The following P2RY8 variants were observed in gnomAD, a reference collection of about 807,000 sequenced individuals.
The protein encoded by P2RY8 is S-geranylgeranyl-glutathione receptor P2RY8.
In P2RY8, 6 loss-of-function variants were observed where a neutral mutation model predicts 10.0. That is an observed-to-expected ratio of 0.60 (90% confidence interval 0.33 to 1.19). P2RY8 has a LOEUF of 1.19. Ranked by LOEUF, P2RY8 falls within the 50% of genes most tolerant of loss-of-function variation. The probability of loss-of-function intolerance (pLI) is 0.04; values close to 1 mark genes in which losing one functional copy is unlikely to be tolerated. For synonymous variants in P2RY8, 276 were observed against 252.5 expected (o/e 1.09, Z -0.88); for missense variants, 456 against 542.0 (o/e 0.84, Z 1.58).
intron 1 of P2RY8, among the ~76,000 whole-genome samples, chrX:1,496,393 T>A (rs2092116903): frequency 6.6e-6 from 1 of 152,162 alleles, no homozygotes; most frequent in African/African-American, 2.4e-5. Flanking sequence ...GGGAGCCACA[T>A]GAGAAGGCTC....
chrX:1,507,525 G>A (rs759814463), intron 1 of P2RY8, among the ~76,000 whole-genome samples: 24 of 152,190 alleles, frequency 1.6e-4, no homozygotes, highest in African/African-American at 4.6e-4. Flanking sequence ...ACGGTGGTTC[G>A]GAGCTGGGGT....
intron 1 of P2RY8, among the ~76,000 whole-genome samples, chrX:1,485,389 T>C (rs1477061059): frequency 9.2e-5 from 14 of 152,126 alleles, no homozygotes; most frequent in Non-Finnish European, 8.8e-5. Flanking sequence ...TCCACTTGCC[T>C]TGGCCACCCA....
intron 1 of P2RY8, among the ~76,000 whole-genome samples, chrX:1,496,402 T>TCACAGC (rs1340070057): frequency 5.3e-4 from 80 of 152,244 alleles, no homozygotes; most frequent in Middle Eastern, 3.4e-3. Flanking sequence ...ATGAGAAGGC[T>TCACAGC]CACAGCCACA....
chrX:1,502,934 G>A (rs1336711231), intron 1 of P2RY8, among the ~76,000 whole-genome samples: 2 of 151,356 alleles, frequency 1.3e-5, no homozygotes, highest in East Asian at 2.0e-4. Context: ...GTTGAACAGC[G>A]GATCCTGGAA....
chrX:1,474,300 T>A (rs769403183), intron 1 of P2RY8, among the ~76,000 whole-genome samples: 14 of 147,602 alleles, frequency 9.5e-5, no homozygotes, highest in African/African-American at 2.7e-4. Flanking sequence ...GATGGGTGGA[T>A]GGATAGATGG....
At position 1,531,146 on chromosome X, in the gene P2RY8, A is replaced by T. The variant is rs2092472866; in HGVS notation, c.-25+5775T>A. On this transcript the variant is annotated intron_variant, in intron 1 of 1. Coordinates refer to ENST00000381297, the MANE Select transcript of P2RY8 (RefSeq NM_178129.5). ...TAAGACAGTGATAGATGAGCAAGTG[A>T]TTTTGCTACCTGGAGACATTGAGTA... is the stretch of plus-strand genomic sequence containing the variant. Among the ~76,000 whole-genome samples, 3 of 151,970 alleles carry T rather than the reference A, an allele frequency of 2.0e-5. No individual in the cohort carries two copies. The South Asian group carries it at 6.2e-4, about 32-fold the overall frequency.
In P2RY8 at chrX:1,465,704, G is replaced by A. The variant is rs746582295; in HGVS notation, c.855C>T (p.Asn285=). 7.4e-6 allele frequency: 12 copies of A among 1,613,744 alleles called. No individual in the cohort carries two copies. Among genetic ancestry groups the A allele is most frequent in the South Asian group, 1.1e-5 (1 of 91,082 alleles). Residue 285 remains asparagine, a synonymous_variant, in exon 2 of 2, where the codon AAC becomes AAT. Coordinates refer to ENST00000381297, the MANE Select transcript of P2RY8 (RefSeq NM_178129.5). ...AATAAACAAACGGGTCCAGACAGTT[G>A]TTGAGGCAGCTGAGACACAGCGTGA... ...YKLTLCLSCL[N]NCLDPFVYYF...
chrX:1,506,475 T>C (rs1294911294), intron 1 of P2RY8, among the ~76,000 whole-genome samples: 1 of 151,968 alleles, frequency 6.6e-6, no homozygotes, highest in Non-Finnish European at 1.5e-5. Flanking sequence ...GTCCTTTCCA[T>C]TGAGAAAATG....
At chrX:1,523,453 C>T (rs1176018758) in intron 1 of P2RY8, among the ~76,000 whole-genome samples, 1 of 152,094 alleles carries the variant, frequency 6.6e-6, no homozygotes, top group Non-Finnish European at 1.5e-5. Context: ...TGAGGTTCAT[C>T]CATATTGTAG....
At chrX:1,502,487 C>T (rs1462426656) in intron 1 of P2RY8, among the ~76,000 whole-genome samples, 2 of 152,110 alleles carry the variant, frequency 1.3e-5, no homozygotes, top group Admixed American at 1.3e-4. Flanking sequence ...CCCGGCAACA[C>T]GCTTTGCCGA....
chrX:1,480,393 GTT>G (rs10552339), intron 1 of P2RY8, among the ~76,000 whole-genome samples: 171 of 148,156 alleles, frequency 1.2e-3, no homozygotes, highest in South Asian at 0.011. Flanking sequence ...CGCTTCCCGG[GTT>G]TTTTTTTTTT....
At chrX:1,516,719 C>T (rs2092353466) in intron 1 of P2RY8, among the ~76,000 whole-genome samples, 1 of 151,720 alleles carries the variant, frequency 6.6e-6, no homozygotes, top group Admixed American at 6.6e-5. Flanking sequence ...CTATGGTATT[C>T]TGTGATAGCA....
At chrX:1,523,549 G>A (rs1302761627) in intron 1 of P2RY8, among the ~76,000 whole-genome samples, 1 of 152,154 alleles carries the variant, frequency 6.6e-6, no homozygotes, top group African/African-American at 2.4e-5. Context: ...AGAAGTGGGA[G>A]CGATTGCAAA....
intron 1 of P2RY8, among the ~76,000 whole-genome samples, chrX:1,513,239 T>C (rs2092313215): frequency 1.2e-5 from 1 of 82,776 alleles, no homozygotes; most frequent in South Asian, 6.4e-4. Flanking sequence ...ATGGTGTCTA[T>C]GTGCCACTTT....
At chrX:1,504,293 G>A (rs1414559920) in intron 1 of P2RY8, among the ~76,000 whole-genome samples, 2 of 146,706 alleles carry the variant, frequency 1.4e-5, no homozygotes, top group Non-Finnish European at 3.0e-5. Context: ...TCCAGCCTGG[G>A]CAACAGACCA....
intron 1 of P2RY8, among the ~76,000 whole-genome samples, chrX:1,509,751 GTCTA>G (rs1307366915): frequency 0.01 from 801 of 78,336 alleles, 84 homozygotes; most frequent in African/African-American, 0.032. Context: ...GTATCTATCT[GTCTA>G]TCTATCTATC....
chrX:1,520,903 T>C (rs1170420923), intron 1 of P2RY8, among the ~76,000 whole-genome samples: 1 of 151,732 alleles, frequency 6.6e-6, no homozygotes, highest in African/African-American at 2.4e-5. Context: ...CCCAATAATC[T>C]CCTTGATCCC....
intron 1 of P2RY8, among the ~76,000 whole-genome samples, chrX:1,476,773 G>A (rs754664265): frequency 6.6e-6 from 1 of 152,112 alleles, no homozygotes; most frequent in Non-Finnish European, 1.5e-5. Context: ...CTGGGATCTG[G>A]TGGGTGGAGC....
intron 1 of P2RY8, among the ~76,000 whole-genome samples, chrX:1,479,608 G>A (rs2091913059): frequency 6.6e-6 from 1 of 152,176 alleles, no homozygotes; most frequent in African/African-American, 2.4e-5. Flanking sequence ...TTAGATTAGA[G>A]GAGAAATCAG....
Sources: allele counts gnomAD v4.1 joint callset (sites outside exome capture counted in the v4.1 genomes callset), GRCh38; gene constraint gnomAD v4.1.1; transcripts MANE v1.5; gene names NCBI Gene and HGNC (gene_info 2026-07-23, HGNC 2026-07-21).